SGCZ: variants seen among roughly 807,000 people sequenced by gnomAD.
The protein encoded by SGCZ is zeta-sarcoglycan.
Under a neutral mutation model 41.3 loss-of-function variants are expected in SGCZ, and 40 were observed. The observed-to-expected ratio is 0.97, with a 90% CI of 0.75 to 1.26. The LOEUF (loss-of-function observed/expected upper bound fraction) is 1.26. Among genes scored for constraint, SGCZ ranks in the 50% most tolerant of loss-of-function variants. SGCZ has a pLI of 0.00. For synonymous variants in SGCZ, 206 were observed against 137.5 expected (o/e 1.50, Z -3.49); for missense variants, 552 against 369.8 (o/e 1.49, Z -4.04).
intron 1 of SGCZ, among the ~76,000 whole-genome samples, chr8:15,081,425 G>T (rs1017791458): frequency 6.7e-6 from 1 of 150,250 alleles, no homozygotes; most frequent in Admixed American, 6.6e-5. Flanking sequence ...ATGACAGATG[G>T]CTACCCCTAC....
chr8:14,199,539 C>T, intron 4 of SGCZ, among the ~76,000 whole-genome samples: 1 of 152,018 alleles, frequency 6.6e-6, no homozygotes, highest in Non-Finnish European at 1.5e-5. Flanking sequence ...TTGTACACTC[C>T]CTCCCCTTTT....
chr8:14,832,470 T>C (rs1000594245), intron 1 of SGCZ, among the ~76,000 whole-genome samples: 1 of 152,010 alleles, frequency 6.6e-6, no homozygotes, highest in Non-Finnish European at 1.5e-5. Flanking sequence ...AACTGTTTTC[T>C]ACCACCGTAT....
intron 2 of SGCZ, among the ~76,000 whole-genome samples, chr8:14,471,895 A>T (rs1447392752): frequency 1.3e-5 from 2 of 152,082 alleles, no homozygotes. Flanking sequence ...TCTATGTCAA[A>T]GAAATAATGA....
At chr8:14,524,124 G>T (rs10098871) in intron 2 of SGCZ, among the ~76,000 whole-genome samples, 14,580 of 151,836 alleles carry the variant, frequency 0.096, 1,322 homozygotes, top group African/African-American at 0.24. Flanking sequence ...ACATCTTCTT[G>T]AATATTCATA....
chr8:14,560,923 A>T (rs1246840796), intron 1 of SGCZ, among the ~76,000 whole-genome samples: 1 of 152,138 alleles, frequency 6.6e-6, no homozygotes, highest in Non-Finnish European at 1.5e-5. Context: ...GAAATTCAAT[A>T]TTATTTTCTT....
chr8:14,271,440 G>A (rs1800055440), intron 3 of SGCZ, among the ~76,000 whole-genome samples: 1 of 152,082 alleles, frequency 6.6e-6, no homozygotes, highest in Non-Finnish European at 1.5e-5. Context: ...TTCATACCCA[G>A]CAATATCAAG....
chr8:15,052,225 G>C (rs1804539815), intron 1 of SGCZ, among the ~76,000 whole-genome samples: 1 of 152,160 alleles, frequency 6.6e-6, no homozygotes, highest in Non-Finnish European at 1.5e-5. Flanking sequence ...CCTAACCTTA[G>C]GTATGCAAGG....
intron 1 of SGCZ, among the ~76,000 whole-genome samples, chr8:15,066,300 G>A (rs1375658619): frequency 7.4e-6 from 1 of 134,774 alleles, no homozygotes; most frequent in Non-Finnish European, 1.6e-5. Flanking sequence ...GGGCGACAGA[G>A]CGAGACTCCG....
intron 2 of SGCZ, among the ~76,000 whole-genome samples, chr8:14,490,488 C>T (rs1442465223): frequency 1.3e-5 from 2 of 152,134 alleles, no homozygotes; most frequent in African/African-American, 2.4e-5. Flanking sequence ...GTAGGAAACA[C>T]ACTGCAAAAT....
chr8:14,610,809 C>G (rs1356082885), intron 1 of SGCZ, among the ~76,000 whole-genome samples: 1 of 152,162 alleles, frequency 6.6e-6, no homozygotes, highest in East Asian at 1.9e-4. Context: ...AGTGTTCACA[C>G]AGATACTTCA....
intron 1 of SGCZ, among the ~76,000 whole-genome samples, chr8:15,081,899 G>GA (rs1466289562): frequency 1.3e-5 from 2 of 152,248 alleles, no homozygotes; most frequent in Admixed American, 6.5e-5. Context: ...GTTGAACGAG[G>GA]AAAAAAGTAA....
At chr8:14,447,819 T>G (rs1453709345) in intron 2 of SGCZ, among the ~76,000 whole-genome samples, 1 of 152,224 alleles carries the variant, frequency 6.6e-6, no homozygotes. Context: ...TTGTTTGATC[T>G]TCTTAATCCT....
At chr8:15,106,656 CT>C (rs1287694779) in intron 1 of SGCZ, among the ~76,000 whole-genome samples, 1 of 151,990 alleles carries the variant, frequency 6.6e-6, no homozygotes. Context: ...ATTTCTTGGA[CT>C]TTACATGTTT....
chr8:14,963,480 A>G (rs1801033110), intron 1 of SGCZ, among the ~76,000 whole-genome samples: 1 of 151,968 alleles, frequency 6.6e-6, no homozygotes, highest in Admixed American at 6.6e-5. Flanking sequence ...CGGGAATTAC[A>G]GGCGTGTGCC....
At chr8:14,183,047 AAAGTT>A (rs1804781979) in intron 4 of SGCZ, among the ~76,000 whole-genome samples, 1 of 152,008 alleles carries the variant, frequency 6.6e-6, no homozygotes, top group Non-Finnish European at 1.5e-5. Context: ...AATGTGTCGT[AAAGTT>A]GATTAAGAAA....
At chr8:15,106,668 A>AGTG (rs1338528476) in intron 1 of SGCZ, among the ~76,000 whole-genome samples, 1 of 152,078 alleles carries the variant, frequency 6.6e-6, no homozygotes, top group Admixed American at 6.6e-5. Context: ...TTACATGTTT[A>AGTG]GTGGATCACA....
At chr8:14,524,831 G>T (rs1048777059) in intron 2 of SGCZ, among the ~76,000 whole-genome samples, 14 of 151,478 alleles carry the variant, frequency 9.2e-5, no homozygotes, top group Admixed American at 6.6e-4. Context: ...TCTCCTTTTT[G>T]TTTTTTTTAA....
In SGCZ at chr8:14,084,991, A is replaced by C. The variant is rs1478043; in HGVS notation, c.*5452T>G. ...CTTCAAAAGGTCTCATTTCAGAGAAAAAAAGGTTTCCAATTGCCAAAACTT... is the reference window on the plus strand; with the variant it reads ...CTTCAAAAGGTCTCATTTCAGAGAACAAAAGGTTTCCAATTGCCAAAACTT... On this transcript the variant is annotated 3_prime_UTR_variant, in exon 8 of 8. Transcript: ENST00000382080. 0.24 allele frequency among the ~76,000 whole-genome samples: 36,748 copies of C among 151,538 alleles called. 7,309 individuals carry two copies. The highest frequency in any genetic ancestry group is 0.55 in the African/African-American group (22,601 of 41,346).
At chr8:14,177,047 C>G (rs1267592893) in intron 4 of SGCZ, among the ~76,000 whole-genome samples, 3 of 152,060 alleles carry the variant, frequency 2.0e-5, no homozygotes, top group Non-Finnish European at 4.4e-5. Flanking sequence ...GGTATACAGA[C>G]AAGGATCGTA....
Sources: gnomAD v4.1 joint callset for allele counts (sites outside exome capture counted in the v4.1 genomes callset) on GRCh38, gnomAD v4.1.1 for gene constraint, MANE v1.5 for transcripts, NCBI Gene and HGNC (gene_info 2026-07-23, HGNC 2026-07-21) for gene names.